The following ENTPD5 variants were observed in gnomAD, a reference collection of about 807,000 sequenced individuals.
ENTPD5 encodes the protein ectonucleoside triphosphate diphosphohydrolase 5 (inactive).
A neutral mutation model predicts 60.2 loss-of-function variants in ENTPD5; 49 were observed. The observed-to-expected ratio is 0.81, with a 90% CI of 0.65 to 1.03. The LOEUF is 1.03. Among genes scored for constraint, ENTPD5 ranks in the 50% least tolerant of loss-of-function variants. ENTPD5 has a pLI of 0.00. For synonymous variants in ENTPD5, 187 were observed against 185.4 expected, an observed-to-expected ratio of 1.01 and a Z score of -0.07; for missense variants, 480 against 507.6, an observed-to-expected ratio of 0.95 and a Z score of 0.52.
At chr14:73,968,461 T>C (rs1309337845) in intron 15 of ENTPD5, among the ~76,000 whole-genome samples, 2 of 151,386 alleles carry the variant, frequency 1.3e-5, no homozygotes, top group African/African-American at 4.9e-5. Context: ...TTTCGCTCTT[T>C]GTTGCCAAGG....
At chr14:73,967,144 T>A in intron 15 of ENTPD5, 130 bp from the exon 16 acceptor site, 1 of 698,062 alleles carries the variant, frequency 1.4e-6, no homozygotes, top group Non-Finnish European at 2.5e-6. Context: ...CAGAAGCCAG[T>A]CTTTGCAGGC....
downstream of ENTPD5, chr14:73,962,730 T>C (rs2140428625): frequency 5.7e-6 from 3 of 528,106 alleles, no homozygotes; most frequent in East Asian, 3.2e-5. Flanking sequence ...GGAGGGAGGA[T>C]TGCTTGAGCC....
intron 15 of ENTPD5, 37 bp downstream of exon 15, chr14:73,969,973 G>T: frequency 7.1e-7 from 1 of 1,406,120 alleles, no homozygotes; most frequent in Non-Finnish European, 1.0e-6. Flanking sequence ...CCCCACAAAA[G>T]AGGGCTGTTA....
intron 3 of ENTPD5, chr14:73,996,163 C>G (rs2140738758): frequency 1.0e-6 from 1 of 985,376 alleles, no homozygotes; most frequent in Non-Finnish European, 1.2e-6. Flanking sequence ...TTGCCTTTTG[C>G]TCTTTGCTCC....
intron 3 of ENTPD5, chr14:74,003,421 G>A (rs1289747921): frequency 8.7e-6 from 9 of 1,031,172 alleles, no homozygotes; most frequent in East Asian, 2.8e-5. Flanking sequence ...AGGAAAAAGC[G>A]AATGTGCAGT....
rs760965566 is a variant in ENTPD5, at chr14:73,973,064, G to A, written c.887-40C>T. On this transcript the variant is annotated intron_variant, in intron 12 of 15. Transcript: ENST00000334696. ...TGCACAGGGGTAAGGTGAGAACGAC[G>A]CTGGGGGAAGGGGACACTCTCTGAG... 54 of 1,608,702 alleles carry A rather than the reference G, an allele frequency of 3.4e-5. 3 individuals carry two copies. Among genetic ancestry groups the A allele is most frequent in the South Asian group, 2.7e-4 (24 of 90,226 alleles).
intron 3 of ENTPD5, among the ~76,000 whole-genome samples, chr14:73,994,082 T>C (rs2058248027): frequency 1.3e-5 from 2 of 152,118 alleles, no homozygotes. Context: ...ACTTTTAAGA[T>C]TAGTTATTTT....
At chr14:73,987,229 C>T (rs2057940542) in intron 4 of ENTPD5, 4 of 685,806 alleles carry the variant, frequency 5.8e-6, no homozygotes, top group South Asian at 4.7e-5. Flanking sequence ...GTGAAATTCT[C>T]ATGTGATCCT....
intron 3 of ENTPD5, among the ~76,000 whole-genome samples, chr14:74,002,764 A>G (rs2058550457): frequency 6.6e-6 from 1 of 152,184 alleles, no homozygotes. Flanking sequence ...ACAAACAACC[A>G]AAGTCATCCT....
Position 73,965,736 on chromosome 14 carries a change from A to G in ENTPD5, c.*1192T>C, listed in dbSNP as rs2056948414. On this transcript the variant is annotated 3_prime_UTR_variant, in exon 16 of 16. Transcript: ENST00000334696. ...ACTCCATCTCAAAAAAAAGTGCAAGATAATGAATTTGGGGTAAATAATTCA... is the reference window on the plus strand; with the variant it reads ...ACTCCATCTCAAAAAAAAGTGCAAGGTAATGAATTTGGGGTAAATAATTCA... 6.6e-6 allele frequency: 1 copy of G among 152,296 alleles called. No individual in the cohort carries two copies. Among genetic ancestry groups the G allele is most frequent in the South Asian group, 2.1e-4 (1 of 4,818 alleles). 9.4% of individuals were successfully genotyped at this position (152,296 alleles called of 1,614,324 possible). A position where few individuals can be genotyped will look rare whatever the true frequency, so the allele number is the denominator to read the frequency against.
intron 3 of ENTPD5, among the ~76,000 whole-genome samples, chr14:73,991,951 A>G (rs2058154075): frequency 6.6e-6 from 1 of 151,542 alleles, no homozygotes; most frequent in African/African-American, 2.4e-5. Context: ...GTGAGCTGAG[A>G]TTGCACCATT....
chr14:74,007,346 C>T (rs2058710666), intron 3 of ENTPD5, among the ~76,000 whole-genome samples: 1 of 151,470 alleles, frequency 6.6e-6, no homozygotes, highest in African/African-American at 2.4e-5. Flanking sequence ...ACGGTGAAAC[C>T]CCGTCTCTAC....
At chr14:73,958,271 A>G, downstream of ENTPD5, 1 of 1,613,922 alleles carries the variant, frequency 6.2e-7, no homozygotes, top group Non-Finnish European at 8.5e-7. Context: ...TCCAGACCAA[A>G]TTGTTGGTAG....
intron 3 of ENTPD5, among the ~76,000 whole-genome samples, chr14:73,999,329 A>T (rs2058432772): frequency 6.6e-6 from 1 of 151,320 alleles, no homozygotes; most frequent in Non-Finnish European, 1.5e-5. Context: ...ATCTACTAAA[A>T]ATACAAAAAT....
chr14:74,007,323 C>T (rs1241538378), intron 3 of ENTPD5, among the ~76,000 whole-genome samples: 7 of 152,130 alleles, frequency 4.6e-5, no homozygotes, highest in Non-Finnish European at 7.4e-5. Context: ...AAATCAAGAC[C>T]ATCCTGGCTA....
rs977794403 is a variant in ENTPD5, at chr14:73,963,402, G to C, written c.*3526C>G. The stretch of plus-strand genomic sequence containing the variant: ...TAAGAATTAGACTCGATGCATTTTT[G>C]TTAGAATTGCTGTTTAAATGTTAAC... On this transcript the variant is annotated 3_prime_UTR_variant, in exon 16 of 16. Transcript: ENST00000334696. The C allele has an allele frequency of 1.1e-5, 3 of 283,912 alleles. No individual in the cohort carries two copies. Among genetic ancestry groups the C allele is most frequent in the African/African-American group, 6.6e-5 (3 of 45,412 alleles). The allele number at this position is 283,912 out of a possible 1,614,324, so 17.6% of individuals were successfully genotyped here. A position where few individuals can be genotyped will look rare whatever the true frequency, so the allele number is the denominator to read the frequency against.
At chr14:74,011,292 A>G (rs1323488897) in intron 2 of ENTPD5, 142 bp from the exon 3 acceptor site, 2 of 156,516 alleles carry the variant, frequency 1.3e-5, no homozygotes, top group Non-Finnish European at 2.8e-5. Context: ...CACCAAGCTC[A>G]TCTCCTGAGT....
At chr14:74,002,520 G>C (rs2058544069) in intron 3 of ENTPD5, among the ~76,000 whole-genome samples, 1 of 151,668 alleles carries the variant, frequency 6.6e-6, no homozygotes, top group Non-Finnish European at 1.5e-5. Flanking sequence ...TCTAGCCTCA[G>C]CCTCCTGAAT....
chr14:73,955,342 T>G, downstream of ENTPD5: 1 of 809,578 alleles, frequency 1.2e-6, no homozygotes, highest in Non-Finnish European at 2.2e-6. Context: ...AAGTGGAGAG[T>G]ATTATTGAAG....
Sources: allele counts gnomAD v4.1 joint callset (sites outside exome capture counted in the v4.1 genomes callset), GRCh38; gene constraint gnomAD v4.1.1; transcripts MANE v1.5; gene names NCBI Gene and HGNC (gene_info 2026-07-23, HGNC 2026-07-21).